SORCS3: variants seen among roughly 807,000 people sequenced by gnomAD.
SORCS3 encodes VPS10 domain-containing receptor SorCS3.
In SORCS3, 57 loss-of-function variants were observed where a neutral mutation model predicts 146.3. That is an observed-to-expected ratio of 0.39 (90% CI 0.31 to 0.49). SORCS3 has a LOEUF of 0.49. Among genes scored for constraint, SORCS3 ranks in the 20% least tolerant of loss-of-function variants. SORCS3 has a pLI of 0.92. For synonymous variants in SORCS3, 653 were observed against 618.5 expected (o/e 1.06, Z -0.83); for missense variants, 1,341 against 1,575.5 (o/e 0.85, Z 2.52).
chr10:105,111,608 A>G (rs1320549434), intron 7 of SORCS3, among the ~76,000 whole-genome samples: 2 of 152,184 alleles, frequency 1.3e-5, no homozygotes, highest in East Asian at 1.9e-4. Flanking sequence ...CTGCGTTTTT[A>G]TAAAACTGCT....
chr10:104,987,537 A>C (rs1460008965), intron 4 of SORCS3, among the ~76,000 whole-genome samples: 2 of 152,208 alleles, frequency 1.3e-5, no homozygotes, highest in Admixed American at 1.3e-4. Flanking sequence ...AGTATGTTGT[A>C]GAAGAAAATT....
chr10:105,148,511 G>T (rs2056147787), intron 9 of SORCS3, among the ~76,000 whole-genome samples: 1 of 152,096 alleles, frequency 6.6e-6, no homozygotes, highest in African/African-American at 2.4e-5. Context: ...TGACAGTCCT[G>T]GACCCAGTGA....
chr10:105,123,400 T>A (rs2055949333), intron 7 of SORCS3, among the ~76,000 whole-genome samples: 1 of 152,218 alleles, frequency 6.6e-6, no homozygotes, highest in Admixed American at 6.5e-5. Context: ...CCAATGTCAG[T>A]ATCAAACAAA....
intron 1 of SORCS3, among the ~76,000 whole-genome samples, chr10:104,651,824 C>T (rs2015564600): frequency 6.6e-6 from 1 of 152,182 alleles, no homozygotes; most frequent in South Asian, 2.1e-4. Flanking sequence ...CACCAGGGAC[C>T]AGCTTTCCCT....
chr10:104,744,026 G>C (rs1053672991), intron 1 of SORCS3, among the ~76,000 whole-genome samples: 1 of 152,108 alleles, frequency 6.6e-6, no homozygotes, highest in African/African-American at 2.4e-5. Flanking sequence ...CACCTCATTT[G>C]ATCTTCACAA....
intron 1 of SORCS3, among the ~76,000 whole-genome samples, chr10:104,650,616 A>G (rs1034173040): frequency 2.0e-5 from 3 of 152,188 alleles, no homozygotes; most frequent in African/African-American, 7.2e-5. Context: ...TTGCTTCTGT[A>G]TTTCCTTCCT....
At chr10:104,693,527 G>A (rs1273635140) in intron 1 of SORCS3, among the ~76,000 whole-genome samples, 2 of 152,076 alleles carry the variant, frequency 1.3e-5, no homozygotes, top group East Asian at 3.9e-4. Flanking sequence ...CTGCATTTTG[G>A]CTCTTGGGTG....
intron 1 of SORCS3, among the ~76,000 whole-genome samples, chr10:104,709,757 A>G (rs2016390401): frequency 6.6e-6 from 1 of 152,178 alleles, no homozygotes; most frequent in African/African-American, 2.4e-5. Context: ...GACTCAAGTC[A>G]TTTTGGGATA....
chr10:104,938,268 C>T (rs568277414), intron 3 of SORCS3, among the ~76,000 whole-genome samples: 1 of 152,272 alleles, frequency 6.6e-6, no homozygotes, highest in East Asian at 1.9e-4. Flanking sequence ...GAATGGCCTT[C>T]ATTGGTCAGG....
intron 1 of SORCS3, among the ~76,000 whole-genome samples, chr10:104,762,821 G>A (rs768511222): frequency 5.3e-5 from 8 of 152,052 alleles, no homozygotes; most frequent in Admixed American, 2.6e-4. Context: ...CTAGCCATGC[G>A]GAACTGAGTC....
At chr10:105,238,496 AAG>A (rs901649823) in intron 20 of SORCS3, among the ~76,000 whole-genome samples, 2 of 152,106 alleles carry the variant, frequency 1.3e-5, no homozygotes, top group African/African-American at 4.8e-5. Context: ...GCAGAGAGGA[AAG>A]AGAGGGATTT....
intron 20 of SORCS3, among the ~76,000 whole-genome samples, chr10:105,242,437 T>G (rs181917036): frequency 1.2e-5 from 1 of 84,432 alleles, no homozygotes; most frequent in Non-Finnish European, 2.2e-5. Context: ...TTTATACATA[T>G]ATTTATATAT....
At chr10:104,817,857 C>T (rs2017822881) in intron 1 of SORCS3, among the ~76,000 whole-genome samples, 1 of 151,372 alleles carries the variant, frequency 6.6e-6, no homozygotes, top group Non-Finnish European at 1.5e-5. Flanking sequence ...TGAAATCTGT[C>T]TGAACTCAAA....
intron 3 of SORCS3, among the ~76,000 whole-genome samples, chr10:104,956,284 A>G (rs978559825): frequency 6.6e-6 from 1 of 152,210 alleles, no homozygotes; most frequent in Non-Finnish European, 1.5e-5. Context: ...GTAATGGATT[A>G]CTGTCCCACT....
intron 1 of SORCS3, among the ~76,000 whole-genome samples, chr10:104,751,953 AT>A (rs1456610571): frequency 0.023 from 2,746 of 117,296 alleles, 192 homozygotes; most frequent in African/African-American, 0.094. Context: ...ATATATATAT[AT>A]ATATATATAT....
intron 8 of SORCS3, among the ~76,000 whole-genome samples, chr10:105,141,352 T>C (rs543038461): frequency 2.1e-4 from 32 of 152,296 alleles, no homozygotes; most frequent in African/African-American, 7.7e-4. Context: ...CGATCCCCTT[T>C]ATTAGCCAGT....
At chr10:105,106,858 A>G (rs1418660265) in intron 7 of SORCS3, among the ~76,000 whole-genome samples, 1 of 152,158 alleles carries the variant, frequency 6.6e-6, no homozygotes, top group African/African-American at 2.4e-5. Flanking sequence ...CTTATTCGTA[A>G]GTGTTTGTTT....
chr10:104,812,878 G>T (rs1255204040), intron 1 of SORCS3, among the ~76,000 whole-genome samples: 1 of 152,212 alleles, frequency 6.6e-6, no homozygotes, highest in African/African-American at 2.4e-5. Flanking sequence ...TCTTGAAGGG[G>T]ATGCTGTGGG....
intron 16 of SORCS3, among the ~76,000 whole-genome samples, chr10:105,207,275 A>ATTATTATTATTT (rs2056608045): frequency 1.0e-5 from 1 of 95,814 alleles, no homozygotes; most frequent in South Asian, 2.7e-4. Flanking sequence ...GCAGAGGTTT[A>ATTATTATTATTT]TTATTATTAT....
Sources: gnomAD v4.1 joint callset for allele counts (sites outside exome capture counted in the v4.1 genomes callset) on GRCh38, gnomAD v4.1.1 for gene constraint, MANE v1.5 for transcripts, NCBI Gene and HGNC (gene_info 2026-07-23, HGNC 2026-07-21) for gene names.